Variants in AKAP11 observed in about 807,000 individuals in gnomAD.
The protein encoded by AKAP11 is A-kinase anchoring protein 11, also known as A-kinase anchor protein 11.
In AKAP11, 36 loss-of-function variants were observed where a neutral mutation model predicts 146.1. The observed-to-expected ratio is 0.25, with a 90% CI of 0.19 to 0.33. AKAP11 has a LOEUF of 0.33. AKAP11 is among the 10% of genes least tolerant of loss of function. The probability of loss-of-function intolerance (pLI) is 1.00; values close to 1 mark genes in which losing one functional copy is unlikely to be tolerated. For missense variants in AKAP11, 2,201 were observed against 2,197.0 expected (o/e 1.00, Z -0.04); for synonymous variants, 780 against 786.5 (o/e 0.99, Z 0.14).
At chr13:42,313,801 ACATT>A (rs1196278824) in intron 10 of AKAP11, 89 bp from the exon 11 acceptor site, 7 of 1,041,288 alleles carry the variant, frequency 6.7e-6, no homozygotes, top group East Asian at 5.0e-5. Flanking sequence ...TCATATTGTA[ACATT>A]CATTCATTAC....
At position 42,322,832 on chromosome 13, in the gene AKAP11, G is replaced by C. The variant is rs1961141919; in HGVS notation, c.*3604G>C. The C allele has an allele frequency of 6.6e-6, 1 of 152,536 alleles. No individual in the cohort carries two copies. The highest frequency in any genetic ancestry group is 1.5e-5 in the Non-Finnish European group (1 of 67,978). The allele number at this position is 152,536 out of a possible 1,614,324, so 9.4% of individuals were successfully genotyped here. A position where few individuals can be genotyped will look rare whatever the true frequency, so the allele number is the denominator to read the frequency against. On this transcript the variant is annotated 3_prime_UTR_variant, in exon 13 of 13. Coordinates refer to ENST00000025301, the MANE Select transcript of AKAP11 (RefSeq NM_016248.4). ...TTCATAGGGTAGAGTTCTAGTTCTA[G>C]AAGTTCTTATTTTGTTTTTGTTGTA...
At chr13:42,283,902 C>A (rs1260491015) in intron 1 of AKAP11, among the ~76,000 whole-genome samples, 1 of 152,172 alleles carries the variant, frequency 6.6e-6, no homozygotes, top group Non-Finnish European at 1.5e-5. Context: ...AACCTAAGAT[C>A]ATTTAATTAC....
chr13:42,318,342 A>G (rs1267099833), intron 12 of AKAP11, among the ~76,000 whole-genome samples: 2 of 152,238 alleles, frequency 1.3e-5, no homozygotes, highest in African/African-American at 4.8e-5. Flanking sequence ...ACCATTGACT[A>G]GGACACTTTG....
chr13:42,292,528 T>G (rs751548933), intron 4 of AKAP11, 27 bp downstream of exon 4: 2 of 1,352,698 alleles, frequency 1.5e-6, no homozygotes, highest in South Asian at 2.9e-5. Flanking sequence ...TCTAAACCCT[T>G]TCCTAATAAT....
rs1242770892 is a variant in AKAP11 at position 42,299,725 on chromosome 13, A to G, written c.979A>G (p.Lys327Glu). Residue 327 changes from lysine to glutamate, a missense_variant, in exon 8 of 13, where the codon AAA becomes GAA. Lys to Glu is a moderately conservative substitution (Grantham distance 56). Around this residue, in one of 3 missense-constraint regions of AKAP11, gnomAD observed 1,867 missense variants for 1,833.5 expected, o/e 1.02. Coordinates refer to ENST00000025301, the MANE Select transcript of AKAP11 (RefSeq NM_016248.4). Reference protein sequence around the residue: ...VIFLDEEGYQKSLKAKLELPK... With the variant: ...VIFLDEEGYQESLKAKLELPK... ...TTTCTTGGATGAAGAGGGATATCAA[A>G]AAAGCTTAAAAGCAAAACTTGAGCT... 1 of 1,613,858 alleles carries G rather than the reference A, an allele frequency of 6.2e-7. No individual in the cohort carries two copies. Among genetic ancestry groups the G allele is most frequent in the Non-Finnish European group, 8.5e-7 (1 of 1,179,904 alleles).
chr13:42,295,741 A>G lies in AKAP11; in HGVS notation c.215A>G (p.Gln72Arg). The change falls in exon 5 of 13, where the codon CAG becomes CGG. Residue 72 changes from glutamine (Q) to arginine (R), a missense_variant and splice_region_variant. This residue lies in a region of AKAP11 where 331 missense variants were observed against 347.4 expected (regional missense o/e 0.95). Coordinates refer to ENST00000025301, the MANE Select transcript of AKAP11 (RefSeq NM_016248.4). ...GAAGAGACAGATGCTGCTCATATAC[A>G]GGTATGGTGAATTTTAGCATTTTTA... ...FNEETDAAHIQDLAAVSLELP... is the reference protein window; with the variant it reads ...FNEETDAAHIRDLAAVSLELP... 6.2e-7 allele frequency: 1 copy of G among 1,608,232 alleles called. No homozygotes were observed. The highest frequency in any genetic ancestry group is 8.5e-7 in the Non-Finnish European group (1 of 1,178,408).
chr13:42,292,605 A>G (rs1959260575), intron 4 of AKAP11, 104 bp downstream of exon 4: 2 of 626,654 alleles, frequency 3.2e-6, no homozygotes, highest in South Asian at 4.7e-5. Context: ...TAAAATCTCT[A>G]TTTGTTGTTA....
chr13:42,297,942 AGTTTTTTGAATAAATAATTTCATCAG>A (rs1959612817), intron 6 of AKAP11, among the ~76,000 whole-genome samples: 1 of 151,958 alleles, frequency 6.6e-6, no homozygotes, highest in African/African-American at 2.4e-5. Flanking sequence ...TTTGATTTCT[AGTTTTTTGAATAAATAATTTCATCAG>A]TATTTACTTG....
chr13:42,290,302 A>C (rs969532515), intron 3 of AKAP11, among the ~76,000 whole-genome samples: 2 of 152,176 alleles, frequency 1.3e-5, no homozygotes, highest in African/African-American at 4.8e-5. Context: ...CTGAAAGGTG[A>C]TGTTGTGTTC....
At chr13:42,280,503 A>G (rs1449507) in intron 1 of AKAP11, among the ~76,000 whole-genome samples, 131,712 of 152,232 alleles carry the variant, frequency 0.87, 57,128 homozygotes, top group Admixed American at 0.91. Context: ...TCTGTTTTAT[A>G]TTTTTCAGCC....
rs1040240117 is a variant in AKAP11 at position 42,308,570 on chromosome 13, A to G, written c.5234A>G (p.His1745Arg). The G allele has an allele frequency of 1.2e-6, 2 of 1,613,212 alleles. No individual in the cohort carries two copies. Among genetic ancestry groups the G allele is most frequent in the Admixed American group, 3.3e-5 (2 of 59,958 alleles). Residue 1745 changes from histidine to arginine, a missense_variant, in exon 9 of 13, where the codon CAC becomes CGC. Around this residue, in one of 3 missense-constraint regions of AKAP11, gnomAD observed 1,867 missense variants for 1,833.5 expected, o/e 1.02. Coordinates refer to ENST00000025301, the MANE Select transcript of AKAP11 (RefSeq NM_016248.4). ...SWSNLSFEDE[H>R]QDESSSFHHL... ...TCCAATTTAAGTTTTGAAGATGAAC[A>G]CCAAGATGAAAGCAGCAGTTTTCAT...
At chr13:42,286,444 A>C in intron 3 of AKAP11, 45 bp downstream of exon 3, 1 of 1,473,330 alleles carries the variant, frequency 6.8e-7, no homozygotes, top group Non-Finnish European at 9.3e-7. Context: ...GTTTTAATTA[A>C]AATGTTGATT....
chr13:42,271,994 C>T (rs1038569190), upstream of AKAP11, among the ~76,000 whole-genome samples: 1 of 150,862 alleles, frequency 6.6e-6, no homozygotes, highest in Non-Finnish European at 1.5e-5. Context: ...AGGCGCGCTG[C>T]CCTCTCGCGA....
chr13:42,279,513 T>C (rs1039702934), intron 1 of AKAP11, among the ~76,000 whole-genome samples: 8 of 152,210 alleles, frequency 5.3e-5, no homozygotes, highest in Non-Finnish European at 1.0e-4. Flanking sequence ...CGTTTCAGTA[T>C]ATTTAATTTT....
intron 8 of AKAP11, among the ~76,000 whole-genome samples, chr13:42,305,190 C>CT (rs1232512158): frequency 2.6e-5 from 4 of 152,166 alleles, no homozygotes; most frequent in Non-Finnish European, 5.9e-5. Flanking sequence ...AGAGAAAATG[C>CT]TTTAAGTTGA....
chr13:42,300,816 A>C lies in AKAP11; in HGVS notation c.2070A>C (p.Ala690=). 6.2e-7 allele frequency: 1 copy of C among 1,614,176 alleles called. No homozygotes were observed. Among genetic ancestry groups the C allele is most frequent in the East Asian group, 2.2e-5 (1 of 44,892 alleles). The change falls in exon 8 of 13, where the codon GCA becomes GCC. Residue 690 remains alanine (A), a synonymous_variant. Coordinates refer to ENST00000025301, the MANE Select transcript of AKAP11 (RefSeq NM_016248.4). ...AAGACAAAGTAGTGAAGTTGTATGC[A>C]AAAGATTTGTCTGAATCTGTAATAC... ...DFEDKVVKLY[A]KDLSESVIQE...
rs1270607798 is a variant in AKAP11, at chr13:42,321,674, A to G, written c.*2446A>G. 1.3e-5 allele frequency: 2 copies of G among 152,282 alleles called. No individual in the cohort carries two copies. Among genetic ancestry groups the G allele is most frequent in the Non-Finnish European group, 2.9e-5 (2 of 67,996 alleles). The allele number at this position is 152,282 out of a possible 1,614,324, so 9.4% of individuals were successfully genotyped here. On this transcript the variant is annotated 3_prime_UTR_variant, in exon 13 of 13. Coordinates refer to ENST00000025301, the MANE Select transcript of AKAP11 (RefSeq NM_016248.4). ...GTAAAGGCACTTTGTGGTTTTTCCA[A>G]AGATGTTCTAGATCTATTTGGTTGC...
At chr13:42,308,686 T>C (rs1960407870) in intron 9 of AKAP11, 77 bp downstream of exon 9, 3 of 1,165,880 alleles carry the variant, frequency 2.6e-6, no homozygotes, top group Admixed American at 3.0e-5. Flanking sequence ...TACATTATTA[T>C]TTAAAAATTC....
Position 42,291,050 on chromosome 13 carries a change from C to T in AKAP11, c.52-1335C>T, listed in dbSNP as rs544126952. On this transcript the variant is annotated intron_variant, in intron 3 of 12. Transcript: ENST00000025301. Reference sequence around the variant, plus strand: ...CAGGTCAGATTCAAATGTAACAGTACAGCTTTTTATCATAAATTCTTTGAG... The same window carrying T: ...CAGGTCAGATTCAAATGTAACAGTATAGCTTTTTATCATAAATTCTTTGAG... Among the ~76,000 whole-genome samples the T allele has an allele frequency of 2.8e-4, 42 of 152,188 alleles. 1 individual carries two copies. The highest frequency in any genetic ancestry group is 9.9e-4 in the African/African-American group (41 of 41,536).
Sources: gnomAD v4.1 joint callset for allele counts (sites outside exome capture counted in the v4.1 genomes callset) on GRCh38, gnomAD v4.1.1 for gene constraint, gnomAD v4.1.1 regional missense constraint, MANE v1.5 for transcripts, NCBI Gene and HGNC (gene_info 2026-07-23, HGNC 2026-07-21) for gene names.